Variants in LIPA observed in about 807,000 individuals in gnomAD.
The protein encoded by LIPA is lysosomal acid lipase/cholesteryl ester hydrolase.
LIPA carries 26 observed loss-of-function variants against 40.6 expected under a neutral mutation model. The observed-to-expected ratio is 0.64, with a 90% CI of 0.47 to 0.89. The LOEUF is 0.89. Among genes scored for constraint, LIPA ranks in the 40% least tolerant of loss-of-function variants. The probability of loss-of-function intolerance (pLI) is 0.00; values close to 1 mark genes in which losing one functional copy is unlikely to be tolerated. For synonymous variants in LIPA, 188 were observed against 168.4 expected, an observed-to-expected ratio of 1.12 and a Z score of -0.90; for missense variants, 455 against 479.6, an observed-to-expected ratio of 0.95 and a Z score of 0.48.
chr10:89,263,649 GGT>G (rs1426640036), intron 1 of LIPA, among the ~76,000 whole-genome samples: 1 of 152,222 alleles, frequency 6.6e-6, no homozygotes, highest in Non-Finnish European at 1.5e-5. Flanking sequence ...AGATCCTTAG[GGT>G]GTCACTTTTC....
chr10:89,249,748 G>A (rs1843088390), intron 1 of LIPA, among the ~76,000 whole-genome samples: 1 of 152,188 alleles, frequency 6.6e-6, no homozygotes, highest in African/African-American at 2.4e-5. Flanking sequence ...CAGTAAGAAA[G>A]GATCACAAAG....
chr10:89,364,646 T>A (rs1337160475), intron 2 of LIPA, among the ~76,000 whole-genome samples: 1 of 149,290 alleles, frequency 6.7e-6, no homozygotes, highest in Admixed American at 6.7e-5. Context: ...TTCATATATA[T>A]GTATACATAT....
chr10:89,289,716 C>T (rs1368773539), intron 1 of LIPA, among the ~76,000 whole-genome samples: 1 of 152,150 alleles, frequency 6.6e-6, no homozygotes, highest in Non-Finnish European at 1.5e-5. Flanking sequence ...AACTGCCACC[C>T]TTAAGTCTCT....
intron 1 of LIPA, among the ~76,000 whole-genome samples, chr10:89,270,972 G>C (rs1843262994): frequency 6.6e-6 from 1 of 152,184 alleles, no homozygotes; most frequent in Non-Finnish European, 1.5e-5. Context: ...CTATGAATTG[G>C]ATGTTATCTG....
At chr10:89,232,513 T>C (rs1473695979) in intron 3 of LIPA, among the ~76,000 whole-genome samples, 1 of 152,200 alleles carries the variant, frequency 6.6e-6, no homozygotes, top group Non-Finnish European at 1.5e-5. Flanking sequence ...TGTGCCTCTG[T>C]AGTTAACACG....
chr10:89,358,987 T>A (rs1231188385), intron 2 of LIPA, among the ~76,000 whole-genome samples: 1 of 152,232 alleles, frequency 6.6e-6, no homozygotes, highest in African/African-American at 2.4e-5. Flanking sequence ...ATTTGATGAT[T>A]ACACACTGTA....
intron 1 of LIPA, among the ~76,000 whole-genome samples, chr10:89,317,595 T>C (rs1025234741): frequency 1.3e-5 from 2 of 152,208 alleles, no homozygotes; most frequent in African/African-American, 4.8e-5. Context: ...ATCTGACTGG[T>C]GTACCTGAAA....
intron 2 of LIPA, among the ~76,000 whole-genome samples, chr10:89,389,117 C>G (rs943497510): frequency 6.6e-6 from 1 of 152,246 alleles, no homozygotes. Context: ...TGATTGAATA[C>G]ATTCAAAAGA....
At chr10:89,313,724 C>A (rs1843527725) in intron 1 of LIPA, among the ~76,000 whole-genome samples, 2 of 152,168 alleles carry the variant, frequency 1.3e-5, no homozygotes, top group South Asian at 4.1e-4. Flanking sequence ...GAAGTACTTA[C>A]TGATACATGA....
intron 1 of LIPA, among the ~76,000 whole-genome samples, chr10:89,248,711 C>G (rs1843072053): frequency 6.8e-6 from 1 of 146,810 alleles, no homozygotes; most frequent in Non-Finnish European, 1.5e-5. Flanking sequence ...TCTCGATCTC[C>G]TAACCTCGTG....
chr10:89,362,133 A>T (rs945395901), intron 2 of LIPA, among the ~76,000 whole-genome samples: 2 of 151,898 alleles, frequency 1.3e-5, no homozygotes, highest in Non-Finnish European at 2.9e-5. Context: ...TGAACTCCTA[A>T]GCTTAAGCTA....
At chr10:89,288,931 C>T (rs532028586) in intron 1 of LIPA, among the ~76,000 whole-genome samples, 319 of 152,356 alleles carry the variant, frequency 2.1e-3, no homozygotes, top group Non-Finnish European at 3.9e-3. Flanking sequence ...ATTAATTCCT[C>T]TTTAATAAAA....
At chr10:89,305,945 T>C (rs752890251) in intron 1 of LIPA, 56 of 1,566,362 alleles carry the variant, frequency 3.6e-5, no homozygotes, top group Non-Finnish European at 4.5e-5. Flanking sequence ...AGTCCATCTT[T>C]GTGTTTTTCC....
intron 1 of LIPA, among the ~76,000 whole-genome samples, chr10:89,333,190 C>G (rs1263075446): frequency 6.6e-6 from 1 of 152,086 alleles, no homozygotes; most frequent in African/African-American, 2.4e-5. Context: ...GCTAAGCCTC[C>G]CACGTGATCA....
At chr10:89,340,053 T>C in intron 1 of LIPA, 14 of 1,613,998 alleles carry the variant, frequency 8.7e-6, no homozygotes, top group Non-Finnish European at 1.2e-5. Context: ...TTGAGGATGG[T>C]AGTGAGGAAA....
At chr10:89,349,162 T>C (rs1034134165) in intron 2 of LIPA, among the ~76,000 whole-genome samples, 12 of 152,180 alleles carry the variant, frequency 7.9e-5, no homozygotes, top group African/African-American at 2.9e-4. Context: ...CAGGGAATCT[T>C]ATCAACCAGG....
chr10:89,413,916 C>G (rs748215876), intron 1 of LIPA, among the ~76,000 whole-genome samples: 53 of 152,106 alleles, frequency 3.5e-4, no homozygotes, highest in Admixed American at 1.6e-3. Context: ...AAGTCTGGCT[C>G]TTACAGTTGT....
chr10:89,342,096 TTG>T (rs1215065911), intron 1 of LIPA, among the ~76,000 whole-genome samples: 1 of 152,202 alleles, frequency 6.6e-6, no homozygotes, highest in Admixed American at 6.5e-5. Context: ...AATTTTTACT[TTG>T]TATTAAAAAA....
intron 1 of LIPA, among the ~76,000 whole-genome samples, chr10:89,299,599 A>G (rs938345145): frequency 1.3e-5 from 2 of 152,200 alleles, no homozygotes; most frequent in African/African-American, 4.8e-5. Flanking sequence ...TTTTAAAGAC[A>G]GCAAAGGAAA....
Sources: gnomAD v4.1 joint callset for allele counts (sites outside exome capture counted in the v4.1 genomes callset) on GRCh38, gnomAD v4.1.1 for gene constraint, MANE v1.5 for transcripts, NCBI Gene and HGNC (gene_info 2026-07-23, HGNC 2026-07-21) for gene names.